SFRP1: variants seen among roughly 807,000 people sequenced by gnomAD.
SFRP1 encodes secreted frizzled related protein 1.
A neutral mutation model predicts 25.9 loss-of-function variants in SFRP1; 9 were observed. That is an observed-to-expected ratio of 0.35 (90% CI 0.21 to 0.61). SFRP1 has a LOEUF of 0.61. SFRP1 is among the 20% of genes least tolerant of loss of function. The probability of loss-of-function intolerance (pLI) is 0.78; values close to 1 mark genes in which losing one functional copy is unlikely to be tolerated. For missense variants in SFRP1, 346 were observed against 418.2 expected (o/e 0.83, Z 1.51); for synonymous variants, 178 against 174.0 (o/e 1.02, Z -0.18).
intron 2 of SFRP1, among the ~76,000 whole-genome samples, chr8:41,269,660 AC>A (rs1227851518): frequency 6.6e-6 from 1 of 151,892 alleles, no homozygotes; most frequent in Non-Finnish European, 1.5e-5. Flanking sequence ...GGTGCCTCCA[AC>A]CCTCCCAAGC....
chr8:41,280,326 A>G (rs1445894104), intron 2 of SFRP1, among the ~76,000 whole-genome samples: 1 of 152,280 alleles, frequency 6.6e-6, no homozygotes, highest in Non-Finnish European at 1.5e-5. Context: ...GACCTGAGAC[A>G]GGTCTGGCCA....
intron 2 of SFRP1, among the ~76,000 whole-genome samples, chr8:41,275,585 C>A (rs953413460): frequency 1.3e-5 from 2 of 151,846 alleles, no homozygotes; most frequent in South Asian, 4.2e-4. Context: ...TCACTGCAAC[C>A]TCTGCCTCCT....
intron 2 of SFRP1, among the ~76,000 whole-genome samples, chr8:41,302,955 T>C (rs1803944279): frequency 1.4e-5 from 2 of 147,682 alleles, no homozygotes; most frequent in Admixed American, 1.4e-4. Context: ...CCACTCTGAA[T>C]CCCCTAAGCA....
chr8:41,283,915 T>C (rs1460444697), intron 2 of SFRP1, among the ~76,000 whole-genome samples: 1 of 151,838 alleles, frequency 6.6e-6, no homozygotes, highest in African/African-American at 2.4e-5. Flanking sequence ...ACACAAAGAG[T>C]TGATTAGAGC....
chr8:41,290,734 C>A (rs10109536), intron 2 of SFRP1, among the ~76,000 whole-genome samples: 94,028 of 151,530 alleles, frequency 0.62, 29,749 homozygotes, highest in African/African-American at 0.74. Flanking sequence ...CCCTCTCATA[C>A]GGGACGCGGC....
chr8:41,297,314 G>T (rs570638877), intron 2 of SFRP1, among the ~76,000 whole-genome samples: 69 of 152,332 alleles, frequency 4.5e-4, no homozygotes, highest in Non-Finnish European at 8.1e-4. Flanking sequence ...AAAGTGCTGG[G>T]ATTACAGGTG....
chr8:41,309,118 G>A lies in SFRP1; in HGVS notation c.42C>T (p.Ala14=). Residue 14 remains alanine (A), a synonymous_variant, in exon 1 of 3, where the codon GCC becomes GCT. Coordinates refer to ENST00000220772, the MANE Select transcript of SFRP1 (RefSeq NM_003012.5). The part of the protein sequence containing the change: ...GRSEGGRRGA[A]LGVLLALGAA... The stretch of plus-strand genomic sequence containing the variant: ...CGCCCAGCGCCAGCAGCACGCCCAG[G>A]GCTGCCCCGCGGCGGCCCCCCTCGC... 6.7e-7 allele frequency: 1 copy of A among 1,489,024 alleles called. No homozygotes were observed. Among genetic ancestry groups the A allele is most frequent in the Non-Finnish European group, 8.8e-7 (1 of 1,133,970 alleles). The allele number at this position is 1,489,024 out of a possible 1,614,324, so 92.2% of individuals were successfully genotyped here.
intron 2 of SFRP1, among the ~76,000 whole-genome samples, chr8:41,274,603 A>T (rs953255916): frequency 1.3e-5 from 2 of 152,354 alleles, no homozygotes; most frequent in African/African-American, 4.8e-5. Context: ...ATTAAAAATA[A>T]GAAATCCAAT....
chr8:41,291,327 C>G (rs1160967093), intron 2 of SFRP1, among the ~76,000 whole-genome samples: 2 of 152,170 alleles, frequency 1.3e-5, no homozygotes, highest in African/African-American at 4.8e-5. Context: ...GGTTGCCGCA[C>G]AAGCTGGCTT....
intron 1 of SFRP1, among the ~76,000 whole-genome samples, chr8:41,307,969 C>G (rs1563368957): frequency 6.6e-6 from 1 of 152,204 alleles, no homozygotes; most frequent in Non-Finnish European, 1.5e-5. Context: ...CCCAGCCCTC[C>G]GAGGGCAGAG....
chr8:41,268,996 G>C (rs1302979586), intron 2 of SFRP1, among the ~76,000 whole-genome samples: 1 of 152,234 alleles, frequency 6.6e-6, no homozygotes, highest in South Asian at 2.1e-4. Context: ...CTGAGTCTCA[G>C]TACTCTGTCT....
At chr8:41,277,447 G>A (rs1803585266) in intron 2 of SFRP1, among the ~76,000 whole-genome samples, 1 of 152,176 alleles carries the variant, frequency 6.6e-6, no homozygotes, top group African/African-American at 2.4e-5. Context: ...TCCTGGGAGG[G>A]AAAAGATGGG....
intron 2 of SFRP1, among the ~76,000 whole-genome samples, chr8:41,300,922 T>G (rs375561931): frequency 3.9e-4 from 59 of 152,246 alleles, no homozygotes; most frequent in African/African-American, 1.3e-3. Flanking sequence ...CACACAAGCT[T>G]TTCTGCTCAT....
intron 2 of SFRP1, among the ~76,000 whole-genome samples, chr8:41,285,122 A>C (rs1803682082): frequency 6.6e-6 from 1 of 152,234 alleles, no homozygotes; most frequent in South Asian, 2.1e-4. Flanking sequence ...TTTAACAAAC[A>C]CGAACTTCAC....
At chr8:41,305,549 T>G (rs1164174166) in intron 1 of SFRP1, among the ~76,000 whole-genome samples, 3 of 152,248 alleles carry the variant, frequency 2.0e-5, no homozygotes, top group African/African-American at 4.8e-5. Context: ...GGTATTAACC[T>G]GCGCCTCATT....
Position 41,265,395 on chromosome 8 carries a change from C to A in SFRP1, c.717G>T (p.Lys239Asn), listed in dbSNP as rs1803422639. The A allele has an allele frequency of 5.0e-6, 8 of 1,613,816 alleles. No homozygotes were observed. Among genetic ancestry groups the A allele is most frequent in the African/African-American group, 1.3e-5 (1 of 74,896 alleles). Residue 239 changes from lysine to asparagine, a missense_variant, in exon 3 of 3, where the codon AAG becomes AAT. By Grantham distance (94) the Lys-to-Asn change is moderately conservative. Coordinates refer to ENST00000220772, the MANE Select transcript of SFRP1 (RefSeq NM_003012.5). ...GCACAAGCTTCTTCAGGTCCTTCTT[C>A]TTGATGGGCCCCAACTTCAGGGGCT... ...KKKPLKLGPIKKKDLKKLVLY... is the reference protein window; with the variant it reads ...KKKPLKLGPINKKDLKKLVLY...
chr8:41,304,535 G>C (rs1279685709), intron 1 of SFRP1, among the ~76,000 whole-genome samples: 4 of 152,126 alleles, frequency 2.6e-5, no homozygotes, highest in African/African-American at 9.7e-5. Flanking sequence ...AGCCAGGCTG[G>C]AGCTGAAGAG....
intron 2 of SFRP1, among the ~76,000 whole-genome samples, chr8:41,285,853 C>G (rs1031891277): frequency 1.3e-5 from 2 of 152,142 alleles, no homozygotes; most frequent in African/African-American, 2.4e-5. Context: ...AGGCTAGGGT[C>G]GGGGGTGCCA....
chr8:41,308,152 C>A (rs1223139345), intron 1 of SFRP1, among the ~76,000 whole-genome samples: 1 of 152,234 alleles, frequency 6.6e-6, no homozygotes, highest in Non-Finnish European at 1.5e-5. Context: ...CTGCTCCAAG[C>A]ATTCTCTCGG....
Sources: gnomAD v4.1 joint callset for allele counts (sites outside exome capture counted in the v4.1 genomes callset) on GRCh38, gnomAD v4.1.1 for gene constraint, MANE v1.5 for transcripts, NCBI Gene and HGNC (gene_info 2026-07-23, HGNC 2026-07-21) for gene names.